Variants in CDK14 observed in about 807,000 individuals in gnomAD.
CDK14 encodes the protein cyclin-dependent kinase 14.
CDK14 carries 34 observed loss-of-function variants against 60.7 expected under a neutral mutation model. That is an observed-to-expected ratio of 0.56 (90% CI 0.43 to 0.75). The LOEUF (loss-of-function observed/expected upper bound fraction) is 0.75, where lower values mean the gene tolerates loss of function less well. Among genes scored for constraint, CDK14 ranks in the 30% least tolerant of loss-of-function variants. The pLI, the probability that CDK14 is intolerant of heterozygous loss-of-function variation, is 0.00. For missense variants in CDK14, 482 were observed against 564.1 expected (o/e 0.85, Z 1.47); for synonymous variants, 197 against 203.7 (o/e 0.97, Z 0.28).
At chr7:91,043,909 C>T (rs766965073) in intron 10 of CDK14, among the ~76,000 whole-genome samples, 1 of 152,194 alleles carries the variant, frequency 6.6e-6, no homozygotes, top group Non-Finnish European at 1.5e-5. Flanking sequence ...GACATCACTG[C>T]CATGTCACCC....
chr7:90,706,285 G>A (rs147725131), intron 2 of CDK14, among the ~76,000 whole-genome samples: 65 of 152,208 alleles, frequency 4.3e-4, no homozygotes, highest in African/African-American at 1.5e-3. Context: ...CTTTACTTCT[G>A]CTTTATAGTC....
intron 3 of CDK14, among the ~76,000 whole-genome samples, chr7:90,740,570 G>A (rs1803305518): frequency 1.3e-5 from 2 of 152,146 alleles, no homozygotes; most frequent in African/African-American, 2.4e-5. Context: ...GCAAGCCAAC[G>A]TGAGAGGACT....
At chr7:91,001,312 G>A (rs1362481010) in intron 10 of CDK14, among the ~76,000 whole-genome samples, 2 of 152,108 alleles carry the variant, frequency 1.3e-5, no homozygotes, top group Non-Finnish European at 2.9e-5. Context: ...AGGTCTGTGT[G>A]TTCTACCAAA....
intron 3 of CDK14, among the ~76,000 whole-genome samples, chr7:90,734,276 G>C (rs746553382): frequency 6.6e-6 from 1 of 152,058 alleles, no homozygotes; most frequent in Non-Finnish European, 1.5e-5. Context: ...TGACTCTGAG[G>C]ATTATGTGTC....
chr7:91,002,945 G>A (rs1795882154), intron 10 of CDK14, among the ~76,000 whole-genome samples: 1 of 152,080 alleles, frequency 6.6e-6, no homozygotes, highest in South Asian at 2.1e-4. Flanking sequence ...GGTGGCGGGT[G>A]CCTGTAGTCC....
intron 9 of CDK14, among the ~76,000 whole-genome samples, chr7:90,969,401 T>G (rs763832261): frequency 6.6e-6 from 1 of 152,220 alleles, no homozygotes; most frequent in Non-Finnish European, 1.5e-5. Context: ...AGCAGTGATT[T>G]CTCTTCACGA....
intron 12 of CDK14, among the ~76,000 whole-genome samples, chr7:91,101,061 T>C (rs1284765000): frequency 6.6e-6 from 1 of 152,162 alleles, no homozygotes; most frequent in East Asian, 1.9e-4. Flanking sequence ...TTATTTAGCA[T>C]AGGACAGTGG....
chr7:91,189,961 C>A (rs925874784), intron 14 of CDK14, among the ~76,000 whole-genome samples: 1 of 152,188 alleles, frequency 6.6e-6, no homozygotes, highest in East Asian at 1.9e-4. Context: ...TCACTTTCCT[C>A]ATTTCCTCAT....
In CDK14 at chr7:91,076,033, G is replaced by A. The variant is rs10257264; in HGVS notation, c.1106-3399G>A. Among the ~76,000 whole-genome samples, 1,025 of 151,502 alleles carry A rather than the reference G, an allele frequency of 6.8e-3. 9 individuals carry two copies. Among genetic ancestry groups the A allele is most frequent in the African/African-American group, 0.024 (978 of 41,284 alleles). On this transcript the variant is annotated intron_variant, in intron 11 of 14. Transcript: ENST00000380050. ...AGGAAGAATCAATATCATGAAAATG[G>A]CCATACTCCCCAAAGTAATTTATAG...
chr7:90,811,290 C>T lies in CDK14; in HGVS notation c.544+20638C>T, dbSNP rs542921817. Among the ~76,000 whole-genome samples the T allele has an allele frequency of 9.3e-3, 1,415 of 152,008 alleles. 48 individuals are homozygous for T. Among genetic ancestry groups the T allele is most frequent in the Admixed American group, 0.071 (1,087 of 15,250 alleles). On this transcript the variant is annotated intron_variant, in intron 5 of 14. Transcript: ENST00000380050. ...AGAGATATAGACCAATGGAACAGAA[C>T]AGAGCCCTCAGAAATAACGCCGCAT...
intron 14 of CDK14, among the ~76,000 whole-genome samples, chr7:91,149,732 T>C (rs943666714): frequency 2.0e-5 from 3 of 152,214 alleles, no homozygotes; most frequent in African/African-American, 7.2e-5. Flanking sequence ...CTAAACTGTT[T>C]TATGTGAATG....
At chr7:90,858,126 A>G (rs1008228327) in intron 5 of CDK14, among the ~76,000 whole-genome samples, 3 of 152,186 alleles carry the variant, frequency 2.0e-5, no homozygotes, top group Non-Finnish European at 2.9e-5. Flanking sequence ...ATTAGGATGT[A>G]ATGTGGAGGC....
At chr7:91,098,132 A>G (rs1799049965) in intron 12 of CDK14, among the ~76,000 whole-genome samples, 1 of 152,214 alleles carries the variant, frequency 6.6e-6, no homozygotes, top group African/African-American at 2.4e-5. Flanking sequence ...TAAGCCGTTT[A>G]TCTTTCTTTC....
intron 5 of CDK14, among the ~76,000 whole-genome samples, chr7:90,803,258 G>A (rs1788709810): frequency 6.6e-6 from 1 of 152,034 alleles, no homozygotes; most frequent in African/African-American, 2.4e-5. Context: ...AGAGACAGAG[G>A]TTACAGGGGA....
intron 10 of CDK14, among the ~76,000 whole-genome samples, chr7:91,032,534 A>G (rs1351803382): frequency 1.3e-5 from 2 of 152,184 alleles, no homozygotes; most frequent in African/African-American, 4.8e-5. Context: ...ATGTTCTTAT[A>G]AAAGAGAGGC....
intron 5 of CDK14, among the ~76,000 whole-genome samples, chr7:90,841,425 T>G (rs1790286122): frequency 6.6e-6 from 1 of 151,554 alleles, no homozygotes; most frequent in African/African-American, 2.4e-5. Context: ...ACTTTCTGCT[T>G]ACTTTTTTTT....
intron 11 of CDK14, among the ~76,000 whole-genome samples, chr7:91,064,008 G>A (rs1166686429): frequency 6.6e-6 from 1 of 152,024 alleles, no homozygotes; most frequent in Non-Finnish European, 1.5e-5. Context: ...TTGAGATATG[G>A]GGAAACTGAG....
chr7:90,682,351 A>G (rs1030075675), intron 2 of CDK14, among the ~76,000 whole-genome samples: 2 of 152,232 alleles, frequency 1.3e-5, no homozygotes, highest in African/African-American at 2.4e-5. Flanking sequence ...ACCTGTAAGA[A>G]GAATGCAGAG....
At chr7:90,827,122 A>G (rs987740306) in intron 5 of CDK14, among the ~76,000 whole-genome samples, 91 of 142,872 alleles carry the variant, frequency 6.4e-4, no homozygotes, top group African/African-American at 2.3e-3. Context: ...GCTTATACCC[A>G]TCCCAATCCC....
Sources: gnomAD v4.1 joint callset for allele counts (sites outside exome capture counted in the v4.1 genomes callset) on GRCh38, gnomAD v4.1.1 for gene constraint, MANE v1.5 for transcripts, NCBI Gene and HGNC (gene_info 2026-07-23, HGNC 2026-07-21) for gene names.